FOXO3: variants seen among roughly 807,000 people sequenced by gnomAD.
The protein encoded by FOXO3 is forkhead box protein O3.
FOXO3 carries 4 observed loss-of-function variants against 41.9 expected under a neutral mutation model. The observed-to-expected ratio is 0.10, with a 90% CI of 0.05 to 0.22. The LOEUF (loss-of-function observed/expected upper bound fraction) is 0.22. Ranked by LOEUF, FOXO3 falls within the 10% of genes least tolerant of loss-of-function variation. The pLI is 1.00. For synonymous variants in FOXO3, 318 were observed against 389.3 expected (o/e 0.82, Z 2.16); for missense variants, 534 against 906.8 (o/e 0.59, Z 5.28).
At chr6:108,586,363 T>C (rs942224173) in intron 1 of FOXO3, among the ~76,000 whole-genome samples, 1 of 152,184 alleles carries the variant, frequency 6.6e-6, no homozygotes, top group African/African-American at 2.4e-5. Flanking sequence ...TGGGACATCA[T>C]AAAGAGAACA....
intron 1 of FOXO3, among the ~76,000 whole-genome samples, chr6:108,661,905 ATAG>A (rs1381419762): frequency 1.3e-5 from 2 of 152,310 alleles, no homozygotes; most frequent in East Asian, 3.9e-4. Context: ...AGTTGCAGAG[ATAG>A]TAGAGAGTTC....
intron 1 of FOXO3, among the ~76,000 whole-genome samples, chr6:108,608,202 G>A (rs1476033333): frequency 6.6e-6 from 1 of 152,212 alleles, no homozygotes; most frequent in East Asian, 1.9e-4. Flanking sequence ...TCAAACTGAA[G>A]TGTCTGTTCT....
At chr6:108,613,217 C>CTT (rs1418578139) in intron 1 of FOXO3, among the ~76,000 whole-genome samples, 1 of 152,176 alleles carries the variant, frequency 6.6e-6, no homozygotes, top group Non-Finnish European at 1.5e-5. Context: ...CTTATAATAT[C>CTT]TTTGCCTGTT....
At chr6:108,630,347 G>A (rs895221479) in intron 1 of FOXO3, among the ~76,000 whole-genome samples, 1 of 152,106 alleles carries the variant, frequency 6.6e-6, no homozygotes, top group African/African-American at 2.4e-5. Flanking sequence ...AGGACAGAGA[G>A]GGTGTTAGGT....
rs1369456220 is a variant in FOXO3 at position 108,664,773 on chromosome 6, C to G, written c.1940C>G (p.Ser647Cys). 2.1e-5 allele frequency: 31 copies of G among 1,459,798 alleles called. No individual in the cohort carries two copies. Among genetic ancestry groups the G allele is most frequent in the Non-Finnish European group, 2.8e-5 (30 of 1,061,600 alleles). The allele number at this position is 1,459,798 out of a possible 1,614,324, so 90.4% of individuals were successfully genotyped here. A position where few individuals can be genotyped will look rare whatever the true frequency, so the allele number is the denominator to read the frequency against. The change falls in exon 2 of 3, where the codon TCC becomes TGC. Residue 647 changes from serine to cysteine, a missense_variant. Transcript: ENST00000406360. ...GLDFNFDSLI[S>C]TQNVVGLNVG... ...GATTTTAACTTTGATTCCCTCATCT[C>G]CACACAGAATGTTGTTGGTTTGAAC...
intron 1 of FOXO3, among the ~76,000 whole-genome samples, chr6:108,623,843 G>A (rs2128373631): frequency 6.6e-6 from 1 of 152,254 alleles, no homozygotes; most frequent in South Asian, 2.1e-4. Flanking sequence ...ATGAACAGTT[G>A]ATATAAGAGT....
intron 1 of FOXO3, among the ~76,000 whole-genome samples, chr6:108,571,683 CT>C (rs1446852843): frequency 6.6e-6 from 1 of 152,174 alleles, no homozygotes; most frequent in Non-Finnish European, 1.5e-5. Context: ...AGATCCTCCC[CT>C]AGAGCCTTCC....
At chr6:108,629,718 T>A (rs955484072) in intron 1 of FOXO3, among the ~76,000 whole-genome samples, 6 of 152,126 alleles carry the variant, frequency 3.9e-5, no homozygotes, top group South Asian at 4.1e-4. Context: ...GGTATCTACT[T>A]TGTATGTGTT....
Position 108,679,965 on chromosome 6 carries a change from GC to G in FOXO3, c.*177del, listed in dbSNP as rs1770778763. On this transcript the variant is annotated 3_prime_UTR_variant, in exon 3 of 3. Coordinates refer to ENST00000406360, the MANE Select transcript of FOXO3 (RefSeq NM_001455.4). ...CCTAACCCAGCAGAGACTGTTAATG[GC>G]CCCTTACCCTGGGTGAAGCACTTAC... The G allele has an allele frequency of 6.5e-6, 1 of 152,956 alleles. No individual in the cohort carries two copies. Among genetic ancestry groups the G allele is most frequent in the Admixed American group, 6.5e-5 (1 of 15,280 alleles). 9.5% of individuals were successfully genotyped at this position (152,956 alleles called of 1,614,324 possible).
chr6:108,570,853 T>C (rs1303481332), intron 1 of FOXO3, among the ~76,000 whole-genome samples: 1 of 152,192 alleles, frequency 6.6e-6, no homozygotes, highest in Admixed American at 6.5e-5. Context: ...AAGGAAAATT[T>C]AGGAGAGGGG....
At position 108,684,538 on chromosome 6, in the gene FOXO3, C is replaced by T. The variant is rs1360391019; in HGVS notation, c.*4746C>T. 2 of 152,568 alleles carry T rather than the reference C, an allele frequency of 1.3e-5. No homozygotes were observed. The highest frequency in any genetic ancestry group is 2.9e-5 in the Non-Finnish European group (2 of 68,020). The allele number at this position is 152,568 out of a possible 1,614,324, so 9.5% of individuals were successfully genotyped here. On this transcript the variant is annotated 3_prime_UTR_variant, in exon 3 of 3. Coordinates refer to ENST00000406360, the MANE Select transcript of FOXO3 (RefSeq NM_001455.4). ...AATGCGAACACTATCATATGGCATTCTTACTGAGGATTTTGTCTAACCATA... is the reference window on the plus strand; with the variant it reads ...AATGCGAACACTATCATATGGCATTTTTACTGAGGATTTTGTCTAACCATA...
intron 1 of FOXO3, among the ~76,000 whole-genome samples, chr6:108,574,645 C>G (rs1776212030): frequency 6.6e-6 from 1 of 152,132 alleles, no homozygotes; most frequent in South Asian, 2.1e-4. Context: ...GAAAATGTTG[C>G]ATAATGCAAG....
intron 1 of FOXO3, among the ~76,000 whole-genome samples, chr6:108,635,161 T>G (rs1778088709): frequency 6.6e-6 from 1 of 151,750 alleles, no homozygotes; most frequent in African/African-American, 2.4e-5. Context: ...ATTAGCTGGG[T>G]GTGGTGGCAG....
At chr6:108,595,629 A>C (rs1776860620) in intron 1 of FOXO3, among the ~76,000 whole-genome samples, 1 of 152,190 alleles carries the variant, frequency 6.6e-6, no homozygotes, top group South Asian at 2.1e-4. Flanking sequence ...CTAAAGATAG[A>C]TTGTTTACCC....
In FOXO3 at chr6:108,561,042, CG is replaced by C; in HGVS notation, c.-164del. 1 of 1,398,362 alleles carries C rather than the reference CG, an allele frequency of 7.2e-7. No homozygotes were observed. Among genetic ancestry groups the C allele is most frequent in the Non-Finnish European group, 9.2e-7 (1 of 1,088,568 alleles). 86.6% of individuals were successfully genotyped at this position (1,398,362 alleles called of 1,614,324 possible). On this transcript the variant is annotated 5_prime_UTR_variant, in exon 1 of 3. Coordinates refer to ENST00000406360, the MANE Select transcript of FOXO3 (RefSeq NM_001455.4). Reference sequence around the variant, plus strand: ...ACTCGCCGAGGACGGGGCTCCGGCCCGGGATAACCAACTCTCCTTCTCTCTT... The same window carrying C: ...ACTCGCCGAGGACGGGGCTCCGGCCCGGATAACCAACTCTCCTTCTCTCTT...
At chr6:108,644,194 C>T (rs1225844353) in intron 1 of FOXO3, among the ~76,000 whole-genome samples, 2 of 152,190 alleles carry the variant, frequency 1.3e-5, no homozygotes, top group Non-Finnish European at 2.9e-5. Context: ...GAGTTCTCAT[C>T]CATGTGGTCT....
intron 1 of FOXO3, among the ~76,000 whole-genome samples, chr6:108,657,451 G>C (rs765359339): frequency 2.0e-5 from 3 of 152,134 alleles, no homozygotes; most frequent in Non-Finnish European, 4.4e-5. Context: ...TAGGTGTCTT[G>C]GTTATTACGT....
chr6:108,657,997 A>T (rs931606986), intron 1 of FOXO3, among the ~76,000 whole-genome samples: 2 of 152,018 alleles, frequency 1.3e-5, no homozygotes, highest in African/African-American at 4.8e-5. Flanking sequence ...GGCCTGGGGG[A>T]GTTGGCTCTT....
upstream of FOXO3, chr6:108,559,868 C>G (rs987668274): frequency 6.6e-6 from 1 of 152,392 alleles, no homozygotes; most frequent in Admixed American, 6.6e-5. Context: ...TGGCGGCGCG[C>G]GAGCTGACAG....
Sources: gnomAD v4.1 joint callset for allele counts (sites outside exome capture counted in the v4.1 genomes callset) on GRCh38, gnomAD v4.1.1 for gene constraint, MANE v1.5 for transcripts, NCBI Gene and HGNC (gene_info 2026-07-23, HGNC 2026-07-21) for gene names.